EPC2: variants seen among roughly 807,000 people sequenced by gnomAD.
EPC2 encodes the protein enhancer of polycomb homolog 2.
EPC2 carries 14 observed loss-of-function variants against 92.1 expected under a neutral mutation model. That is an observed-to-expected ratio of 0.15 (90% confidence interval 0.10 to 0.24). The LOEUF (loss-of-function observed/expected upper bound fraction) is 0.24. Ranked by LOEUF, EPC2 falls within the 10% of genes least tolerant of loss-of-function variation. The pLI, the probability that EPC2 is intolerant of heterozygous loss-of-function variation, is 1.00. For missense variants in EPC2, 755 were observed against 971.5 expected (o/e 0.78, Z 2.96); for synonymous variants, 340 against 334.7 (o/e 1.02, Z -0.17).
chr2:148,744,996 C>T (rs957011641), intron 3 of EPC2, among the ~76,000 whole-genome samples: 3 of 122,228 alleles, frequency 2.5e-5, no homozygotes, highest in African/African-American at 8.2e-5. Context: ...TTTGCCCCCC[C>T]CCCCCGCACC....
At chr2:148,681,011 T>A (rs1426031281) in intron 1 of EPC2, among the ~76,000 whole-genome samples, 7 of 152,172 alleles carry the variant, frequency 4.6e-5, no homozygotes, top group East Asian at 1.9e-4. Flanking sequence ...GCTCAAAAAA[T>A]GAGACTTTAT....
chr2:148,656,188 TTCCTTCCCTTTAACA>T (rs1472979845), intron 1 of EPC2, among the ~76,000 whole-genome samples: 3 of 152,182 alleles, frequency 2.0e-5, no homozygotes, highest in African/African-American at 7.2e-5. Flanking sequence ...TGATTTTCAA[TTCCTTCCCTTTAACA>T]TCTCTGAGGA....
chr2:148,734,274 G>A (rs191245988), intron 2 of EPC2, among the ~76,000 whole-genome samples: 1 of 151,850 alleles, frequency 6.6e-6, no homozygotes, highest in Admixed American at 6.6e-5. Context: ...AGCACATTGG[G>A]TACAAATTAA....
chr2:148,711,544 G>A (rs535598545), intron 2 of EPC2, among the ~76,000 whole-genome samples: 139 of 152,212 alleles, frequency 9.1e-4, no homozygotes, highest in Non-Finnish European at 1.6e-3. Context: ...TTTAGAAAAA[G>A]TGTGTTCTGC....
chr2:148,708,177 A>G (rs961258545), intron 2 of EPC2, among the ~76,000 whole-genome samples: 5 of 152,212 alleles, frequency 3.3e-5, no homozygotes. Flanking sequence ...CACCTGCCCT[A>G]CGGAAGTACA....
At chr2:148,686,189 G>C (rs1218263135) in intron 1 of EPC2, among the ~76,000 whole-genome samples, 1 of 152,152 alleles carries the variant, frequency 6.6e-6, no homozygotes, top group African/African-American at 2.4e-5. Context: ...CAAATCCTTT[G>C]TTGTCAGTTC....
In EPC2 at chr2:148,771,430, T is replaced by C. The variant is rs374301494; in HGVS notation, c.1720+43T>C. On this transcript the variant is annotated intron_variant, in intron 10 of 13. Transcript: ENST00000258484. ...TAAAAGTATATCCTGCTATTCTTTT[T>C]TACTTAATTTTATTGGGAAAGGAAT... is the stretch of plus-strand genomic sequence containing the variant. The C allele has an allele frequency of 3.3e-4, 477 of 1,463,134 alleles. 2 individuals carry two copies. Among genetic ancestry groups the C allele is most frequent in the Middle Eastern group, 7.3e-4 (4 of 5,516 alleles). The allele number at this position is 1,463,134 out of a possible 1,614,324, so 90.6% of individuals were successfully genotyped here.
intron 2 of EPC2, among the ~76,000 whole-genome samples, chr2:148,695,624 T>C (rs973493720): frequency 6.6e-6 from 1 of 152,220 alleles, no homozygotes; most frequent in Admixed American, 6.5e-5. Flanking sequence ...AAAATGATAA[T>C]TGACCTGTTC....
chr2:148,651,402 T>C (rs1248881508), intron 1 of EPC2, among the ~76,000 whole-genome samples: 1 of 152,174 alleles, frequency 6.6e-6, no homozygotes, highest in Non-Finnish European at 1.5e-5. Flanking sequence ...CTTCATTTTA[T>C]CCCTGTTACA....
chr2:148,721,607 A>G (rs34270130), intron 2 of EPC2, among the ~76,000 whole-genome samples: 22,800 of 151,676 alleles, frequency 0.15, 2,530 homozygotes, highest in East Asian at 0.46. Flanking sequence ...GCCTGACATT[A>G]ATTTGGAGAA....
Position 148,650,283 on chromosome 2 carries a change from C to G in EPC2, c.153+5113C>G, listed in dbSNP as rs1033551926. ...GTCTTTTCTCCCCCTCCCCCAATAT[C>G]TATCTATATATAAAATTTATTAGCA... is the stretch of plus-strand genomic sequence containing the variant. On this transcript the variant is annotated intron_variant, in intron 1 of 13. Coordinates refer to ENST00000258484, the MANE Select transcript of EPC2 (RefSeq NM_015630.4). Among the ~76,000 whole-genome samples the G allele has an allele frequency of 3.5e-4, 53 of 152,108 alleles. 1 individual carries two copies. Among genetic ancestry groups the G allele is most frequent in the Non-Finnish European group, 7.4e-4 (50 of 68,000 alleles).
At chr2:148,750,456 C>T (rs1444556665) in intron 3 of EPC2, among the ~76,000 whole-genome samples, 2 of 151,712 alleles carry the variant, frequency 1.3e-5, no homozygotes, top group East Asian at 3.8e-4. Context: ...TATAACTCTA[C>T]CAGTCTTTGT....
At chr2:148,758,947 C>G (rs755877052) in intron 4 of EPC2, among the ~76,000 whole-genome samples, 6 of 152,184 alleles carry the variant, frequency 3.9e-5, no homozygotes, top group Non-Finnish European at 8.8e-5. Flanking sequence ...AGTCTCTAGT[C>G]TTTGAAAATG....
At chr2:148,705,682 C>T (rs1165697584) in intron 2 of EPC2, among the ~76,000 whole-genome samples, 1 of 152,150 alleles carries the variant, frequency 6.6e-6, no homozygotes, top group African/African-American at 2.4e-5. Flanking sequence ...TGTTCTGCAG[C>T]CTCTGCTGGT....
At chr2:148,661,153 T>A (rs1284146268) in intron 1 of EPC2, among the ~76,000 whole-genome samples, 1 of 152,142 alleles carries the variant, frequency 6.6e-6, no homozygotes, top group Non-Finnish European at 1.5e-5. Context: ...AATTAGCTTA[T>A]AGAGAATTGA....
At chr2:148,750,036 G>A (rs933547795) in intron 3 of EPC2, among the ~76,000 whole-genome samples, 1 of 151,976 alleles carries the variant, frequency 6.6e-6, no homozygotes, top group Non-Finnish European at 1.5e-5. Context: ...TCTCCTAAAC[G>A]GCAGATTAAT....
At chr2:148,731,489 G>C (rs147095492) in intron 2 of EPC2, among the ~76,000 whole-genome samples, 3 of 152,054 alleles carry the variant, frequency 2.0e-5, no homozygotes. Context: ...TACAACCTCC[G>C]CCTCCGGGGT....
Position 148,770,949 on chromosome 2 carries a change from G to A in EPC2, c.1376+12G>A, listed in dbSNP as rs1459276242. 1 of 1,604,774 alleles carries A rather than the reference G, an allele frequency of 6.2e-7. No homozygotes were observed. The highest frequency in any genetic ancestry group is 8.5e-7 in the Non-Finnish European group (1 of 1,177,340). On this transcript the variant is annotated intron_variant, in intron 9 of 13. Coordinates refer to ENST00000258484, the MANE Select transcript of EPC2 (RefSeq NM_015630.4). ...GGCAGAGGTGGAAGGTGAAGTATTT[G>A]TTTTCACCTGGTTTTTGTTTGCTAT... is the stretch of plus-strand genomic sequence containing the variant.
At chr2:148,755,095 T>C (rs1683160431) in intron 4 of EPC2, among the ~76,000 whole-genome samples, 1 of 152,160 alleles carries the variant, frequency 6.6e-6, no homozygotes, top group Admixed American at 6.5e-5. Flanking sequence ...ATAGTATATT[T>C]TAGGAAAAAC....
Sources: allele counts gnomAD v4.1 joint callset (sites outside exome capture counted in the v4.1 genomes callset), GRCh38; gene constraint gnomAD v4.1.1; transcripts MANE v1.5; gene names NCBI Gene and HGNC (gene_info 2026-07-23, HGNC 2026-07-21).